Variants in EGFLAM observed in about 807,000 individuals in gnomAD.
EGFLAM encodes EGF like, fibronectin type III and laminin G domains.
A neutral mutation model predicts 113.1 loss-of-function variants in EGFLAM; 79 were observed. The observed-to-expected ratio is 0.70, with a 90% CI of 0.58 to 0.84. EGFLAM has a LOEUF of 0.84. Ranked by LOEUF, EGFLAM falls within the 40% of genes least tolerant of loss-of-function variation. The pLI is 0.00. For missense variants in EGFLAM, 1,265 were observed against 1,291.6 expected (o/e 0.98, Z 0.32); for synonymous variants, 504 against 487.6 (o/e 1.03, Z -0.44).
chr5:38,367,296 G>GAGACA (rs1024326694), intron 5 of EGFLAM, among the ~76,000 whole-genome samples: 10 of 150,310 alleles, frequency 6.7e-5, no homozygotes, highest in African/African-American at 2.5e-4. Context: ...GTTTTTTGCA[G>GAGACA]AGACAAGGTC....
Position 38,370,424 on chromosome 5 carries a change from G to A in EGFLAM, c.674G>A (p.Ser225Asn). 1.2e-6 allele frequency: 2 copies of A among 1,614,158 alleles called. No individual in the cohort carries two copies. The highest frequency in any genetic ancestry group is 1.7e-6 in the Non-Finnish European group (2 of 1,180,020). ...AGGGCAATGAATTCCCATGGCCCCAGCCCCCGCAGCTGGCCCAGTGACATC... is the reference window on the plus strand; with the variant it reads ...AGGGCAATGAATTCCCATGGCCCCAACCCCCGCAGCTGGCCCAGTGACATC... ...AVRAMNSHGPSPRSWPSDIIR... is the reference protein window; with the variant it reads ...AVRAMNSHGPNPRSWPSDIIR... Residue 225 changes from serine (S) to asparagine (N), a missense_variant, in exon 6 of 22, where the codon AGC becomes AAC. Coordinates refer to ENST00000322350, the MANE Select transcript of EGFLAM (RefSeq NM_152403.4).
chr5:38,344,503 A>C (rs892331613), intron 3 of EGFLAM, among the ~76,000 whole-genome samples: 6 of 151,372 alleles, frequency 4.0e-5, no homozygotes, highest in African/African-American at 1.2e-4. Flanking sequence ...AAAAAAAAGA[A>C]GAGTCTCATC....
At chr5:38,315,116 A>G (rs1367626033) in intron 1 of EGFLAM, among the ~76,000 whole-genome samples, 2 of 152,352 alleles carry the variant, frequency 1.3e-5, no homozygotes, top group East Asian at 1.9e-4. Flanking sequence ...TAGGACACCA[A>G]GAAGGTGCAT....
chr5:38,422,393 G>A (rs925484951), intron 12 of EGFLAM, among the ~76,000 whole-genome samples: 8 of 152,156 alleles, frequency 5.3e-5, no homozygotes, highest in African/African-American at 2.4e-5. Flanking sequence ...CTTCCTGGCT[G>A]CCCTGGGCCC....
chr5:38,437,814 G>A (rs1742396796), intron 16 of EGFLAM, among the ~76,000 whole-genome samples: 1 of 152,120 alleles, frequency 6.6e-6, no homozygotes, highest in Admixed American at 6.5e-5. Flanking sequence ...CTCCTGCATA[G>A]ATGACAAGAC....
intron 3 of EGFLAM, among the ~76,000 whole-genome samples, chr5:38,344,949 A>C (rs998325657): frequency 1.3e-5 from 2 of 152,364 alleles, no homozygotes; most frequent in African/African-American, 4.8e-5. Flanking sequence ...GAGTGGCCCA[A>C]CTGAAATATG....
chr5:38,451,630 A>G (rs1456061868), intron 19 of EGFLAM, 172 bp downstream of exon 19: 5 of 975,154 alleles, frequency 5.1e-6, no homozygotes, highest in South Asian at 1.9e-5. Context: ...CATTCATCTT[A>G]TAGAGCAGCA....
intron 21 of EGFLAM, among the ~76,000 whole-genome samples, chr5:38,463,450 C>G (rs931495141): frequency 9.2e-5 from 14 of 152,218 alleles, no homozygotes; most frequent in Non-Finnish European, 1.8e-4. Flanking sequence ...CATTCGACAT[C>G]AGTGCATTTG....
At position 38,258,730 on chromosome 5, in the gene EGFLAM, A is replaced by C; in HGVS notation, c.-25A>C. 6.3e-7 allele frequency: 1 copy of C among 1,594,566 alleles called. No homozygotes were observed. Among genetic ancestry groups the C allele is most frequent in the East Asian group, 2.3e-5 (1 of 43,892 alleles). Reference sequence around the variant, plus strand: ...TTCCGTGTGCGCCCGGGACTTGGTGAAACTTTGCAGGCGCCGGCTGCGAAA... The same window carrying C: ...TTCCGTGTGCGCCCGGGACTTGGTGCAACTTTGCAGGCGCCGGCTGCGAAA... On this transcript the variant is annotated 5_prime_UTR_variant, in exon 1 of 22. Coordinates refer to ENST00000322350, the MANE Select transcript of EGFLAM (RefSeq NM_152403.4).
At chr5:38,323,263 C>T (rs974193445) in intron 1 of EGFLAM, among the ~76,000 whole-genome samples, 7 of 152,162 alleles carry the variant, frequency 4.6e-5, no homozygotes, top group Admixed American at 1.3e-4. Context: ...AGATGAATTT[C>T]GCTCAGAATT....
intron 1 of EGFLAM, among the ~76,000 whole-genome samples, chr5:38,324,407 T>C (rs997004794): frequency 8.5e-5 from 13 of 152,136 alleles, no homozygotes; most frequent in African/African-American, 2.7e-4. Context: ...AATAATACAA[T>C]GTCTATATAA....
intron 5 of EGFLAM, among the ~76,000 whole-genome samples, chr5:38,368,692 G>A (rs1480597526): frequency 6.6e-6 from 1 of 152,146 alleles, no homozygotes; most frequent in Admixed American, 6.5e-5. Context: ...CAAGCAAAGG[G>A]ATGGGGAATC....
At chr5:38,427,342 A>C in intron 14 of EGFLAM, 90 bp downstream of exon 14, 2 of 1,547,396 alleles carry the variant, frequency 1.3e-6, no homozygotes, top group Non-Finnish European at 1.7e-6. Context: ...TCAACAGCTC[A>C]CACTCATCCT....
At chr5:38,351,109 C>CTTT (rs981908561) in intron 4 of EGFLAM, among the ~76,000 whole-genome samples, 1 of 135,778 alleles carries the variant, frequency 7.4e-6, no homozygotes, top group Non-Finnish European at 1.6e-5. Flanking sequence ...AGCAGCACTT[C>CTTT]TTTTTTTTTT....
At chr5:38,328,171 AG>A in intron 1 of EGFLAM, among the ~76,000 whole-genome samples, 1 of 152,336 alleles carries the variant, frequency 6.6e-6, no homozygotes. Context: ...TCATGGCAGA[AG>A]GCAAAGGGGA....
At chr5:38,384,427 G>T (rs1055594371) in intron 6 of EGFLAM, among the ~76,000 whole-genome samples, 1 of 152,150 alleles carries the variant, frequency 6.6e-6, no homozygotes, top group Non-Finnish European at 1.5e-5. Flanking sequence ...CCCATATTCT[G>T]TTGGTTCCTC....
At chr5:38,305,123 A>G (rs2111839853) in intron 1 of EGFLAM, among the ~76,000 whole-genome samples, 1 of 152,306 alleles carries the variant, frequency 6.6e-6, no homozygotes, top group East Asian at 1.9e-4. Flanking sequence ...GGAAGAAAAG[A>G]GAAAAAACCA....
At chr5:38,378,339 T>C (rs757270434) in intron 6 of EGFLAM, among the ~76,000 whole-genome samples, 2 of 152,192 alleles carry the variant, frequency 1.3e-5, no homozygotes, top group African/African-American at 2.4e-5. Context: ...GTGTTTTTCA[T>C]TGCCCATCTG....
intron 10 of EGFLAM, 141 bp from the exon 11 acceptor site, chr5:38,412,363 C>T (rs949770518): frequency 4.8e-6 from 6 of 1,249,414 alleles, no homozygotes; most frequent in African/African-American, 4.5e-5. Context: ...TTGATTTCAA[C>T]AGCACTTGAT....
Sources: gnomAD v4.1 joint callset for allele counts (sites outside exome capture counted in the v4.1 genomes callset) on GRCh38, gnomAD v4.1.1 for gene constraint, MANE v1.5 for transcripts, NCBI Gene and HGNC (gene_info 2026-07-23, HGNC 2026-07-21) for gene names.